The following PLEKHA5 variants were observed in gnomAD, a reference collection of about 807,000 sequenced individuals.
PLEKHA5 encodes the protein pleckstrin homology domain containing A5.
In PLEKHA5, 55 loss-of-function variants were observed where a neutral mutation model predicts 181.9. That is an observed-to-expected ratio of 0.30 (90% CI 0.24 to 0.38). PLEKHA5 has a LOEUF of 0.38. Ranked by LOEUF, PLEKHA5 falls within the 10% of genes least tolerant of loss-of-function variation. The probability of loss-of-function intolerance (pLI) is 1.00; values close to 1 mark genes in which losing one functional copy is unlikely to be tolerated. For synonymous variants in PLEKHA5, 535 were observed against 529.4 expected, an observed-to-expected ratio of 1.01 and a Z score of -0.15; for missense variants, 1,432 against 1,549.5, an observed-to-expected ratio of 0.92 and a Z score of 1.27.
chr12:19,324,007 C>T (rs2091531851), intron 20 of PLEKHA5, among the ~76,000 whole-genome samples: 1 of 152,076 alleles, frequency 6.6e-6, no homozygotes, highest in South Asian at 2.1e-4. Flanking sequence ...ATAGTAAGAG[C>T]ACCAGTCTAA....
intron 20 of PLEKHA5, among the ~76,000 whole-genome samples, chr12:19,328,777 C>T (rs913104562): frequency 2.0e-5 from 3 of 151,930 alleles, no homozygotes; most frequent in Non-Finnish European, 4.4e-5. Flanking sequence ...TCACATTGTC[C>T]GTGAAGAGAG....
chr12:19,368,132 A>G (rs1303317889), intron 30 of PLEKHA5, among the ~76,000 whole-genome samples: 1 of 152,138 alleles, frequency 6.6e-6, no homozygotes, highest in Non-Finnish European at 1.5e-5. Flanking sequence ...ATAAATTTAT[A>G]TTACCAGTCA....
At chr12:19,164,076 C>A (rs1197958758) in intron 3 of PLEKHA5, among the ~76,000 whole-genome samples, 1 of 152,024 alleles carries the variant, frequency 6.6e-6, no homozygotes, top group Non-Finnish European at 1.5e-5. Flanking sequence ...ACACTCTTTT[C>A]ACTTTGTTTT....
chr12:19,297,285 G>A (rs2080068441), intron 15 of PLEKHA5, among the ~76,000 whole-genome samples: 1 of 151,558 alleles, frequency 6.6e-6, no homozygotes, highest in Admixed American at 6.6e-5. Flanking sequence ...GGAAAAGCAG[G>A]AAGTTTTTCA....
At chr12:19,270,249 TA>T (rs1259400717) in intron 10 of PLEKHA5, 44 bp downstream of exon 10, 4 of 1,122,980 alleles carry the variant, frequency 3.6e-6, no homozygotes, top group Non-Finnish European at 3.7e-6. Flanking sequence ...CACAGATTTT[TA>T]TCCTTTGAGA....
chr12:19,144,047 T>C (rs945067727), intron 3 of PLEKHA5, among the ~76,000 whole-genome samples: 2 of 152,194 alleles, frequency 1.3e-5, no homozygotes, highest in Non-Finnish European at 2.9e-5. Context: ...CAGATTTATG[T>C]TCTCACTTGA....
intron 21 of PLEKHA5, among the ~76,000 whole-genome samples, chr12:19,336,870 TAC>T (rs1421117084): frequency 6.6e-6 from 1 of 152,136 alleles, no homozygotes; most frequent in African/African-American, 2.4e-5. Flanking sequence ...GTCTCAGCTC[TAC>T]AGTTTCCTAA....
At chr12:19,166,547 C>T (rs2151579643) in intron 3 of PLEKHA5, among the ~76,000 whole-genome samples, 1 of 152,236 alleles carries the variant, frequency 6.6e-6, no homozygotes, top group Middle Eastern at 3.4e-3. Flanking sequence ...TATACCTTAC[C>T]TGACTAGTGG....
intron 29 of PLEKHA5, among the ~76,000 whole-genome samples, chr12:19,363,108 A>T (rs1310668493): frequency 2.4e-5 from 3 of 127,138 alleles, no homozygotes; most frequent in Non-Finnish European, 5.4e-5. Context: ...TCTTTTAGCT[A>T]TATTTCTTTT....
chr12:19,229,822 G>A (rs796952466), intron 3 of PLEKHA5, among the ~76,000 whole-genome samples: 13 of 152,088 alleles, frequency 8.5e-5, no homozygotes, highest in Admixed American at 3.9e-4. Context: ...TGATTGGTCC[G>A]TTTTGACAGG....
chr12:19,206,209 C>G (rs1013735976), intron 3 of PLEKHA5, among the ~76,000 whole-genome samples: 1 of 151,386 alleles, frequency 6.6e-6, no homozygotes, highest in Non-Finnish European at 1.5e-5. Flanking sequence ...TTTTTTAAAT[C>G]CAAAGTGTTC....
At chr12:19,213,055 G>A (rs556423832) in intron 3 of PLEKHA5, among the ~76,000 whole-genome samples, 1 of 152,076 alleles carries the variant, frequency 6.6e-6, no homozygotes, top group South Asian at 2.1e-4. Flanking sequence ...ATGTCAGATA[G>A]TGAAACAAAC....
chr12:19,286,955 ACT>A lies in PLEKHA5; in HGVS notation c.1780-515_1780-514del, dbSNP rs1462134662. Reference sequence around the variant, plus strand: ...ACTCCAGGCTGGGCAACAGAGTGAGACTCTGCTTCAAAAAACAAAAAAAAAAA... The same window carrying A: ...ACTCCAGGCTGGGCAACAGAGTGAGACTGCTTCAAAAAACAAAAAAAAAAA... On this transcript the variant is annotated intron_variant, in intron 12 of 31. Coordinates refer to ENST00000429027, the MANE Select transcript of PLEKHA5 (RefSeq NM_001256470.2). Among the ~76,000 whole-genome samples, 6 of 141,458 alleles carry A rather than the reference ACT, an allele frequency of 4.2e-5. No homozygotes were observed. In the South Asian group the frequency reaches 1.2e-3, roughly 27 times the overall value. The allele number at this position is 141,458 out of a possible 152,430, so 92.8% of individuals were successfully genotyped here.
chr12:19,174,530 G>A (rs923045265), intron 3 of PLEKHA5, among the ~76,000 whole-genome samples: 1 of 151,950 alleles, frequency 6.6e-6, no homozygotes. Context: ...GGTGTTTCAT[G>A]CTCTAAGAAA....
In PLEKHA5 at chr12:19,299,647, A is replaced by G. The variant is rs548439756; in HGVS notation, c.2037+7950A>G. ...GCCTCCACTCTCACATTTGTAACAG[A>G]GTAGTAATGTGAACCTTTAAGGGTT... On this transcript the variant is annotated intron_variant, in intron 15 of 31. Coordinates refer to ENST00000429027, the MANE Select transcript of PLEKHA5 (RefSeq NM_001256470.2). 2.6e-4 allele frequency among the ~76,000 whole-genome samples: 40 copies of G among 152,298 alleles called. No individual in the cohort carries two copies. In the South Asian group the frequency reaches 7.2e-3, roughly 28 times the overall value.
intron 20 of PLEKHA5, among the ~76,000 whole-genome samples, chr12:19,334,147 G>T (rs996960414): frequency 2.0e-5 from 3 of 152,080 alleles, no homozygotes; most frequent in Non-Finnish European, 4.4e-5. Context: ...CCAGATGTTG[G>T]GAGGAAATGT....
At chr12:19,370,647 A>G (rs140878069) in intron 31 of PLEKHA5, 85 of 152,122 alleles carry the variant, frequency 5.6e-4, no homozygotes, top group African/African-American at 2.0e-3. Flanking sequence ...ACATATAGAG[A>G]CATTATAAGC....
chr12:19,336,446 A>G (rs2093431888), intron 20 of PLEKHA5, 69 bp from the exon 21 acceptor site: 1 of 777,112 alleles, frequency 1.3e-6, no homozygotes, highest in Non-Finnish European at 2.2e-6. Context: ...CTAGAAAGTT[A>G]CAATTGGAGT....
intron 3 of PLEKHA5, among the ~76,000 whole-genome samples, chr12:19,226,557 A>G (rs766572803): frequency 5.9e-5 from 9 of 152,214 alleles, no homozygotes; most frequent in Admixed American, 5.2e-4. Flanking sequence ...TGTCAACACT[A>G]AATATTTATG....
Sources: allele counts gnomAD v4.1 joint callset (sites outside exome capture counted in the v4.1 genomes callset), GRCh38; gene constraint gnomAD v4.1.1; transcripts MANE v1.5; gene names NCBI Gene and HGNC (gene_info 2026-07-23, HGNC 2026-07-21).